The following DNAH1 variants were observed in gnomAD, a reference collection of about 807,000 sequenced individuals.
DNAH1 encodes axonemal beta dynein heavy chain 1.
Under a neutral mutation model 484.3 loss-of-function variants are expected in DNAH1, and 327 were observed. The ratio of observed to expected loss-of-function variants is 0.68; its 90% CI spans 0.62 to 0.74. The LOEUF is 0.74. Among genes scored for constraint, DNAH1 ranks in the 30% least tolerant of loss-of-function variants. The probability of loss-of-function intolerance (pLI) is 0.00; values close to 1 mark genes in which losing one functional copy is unlikely to be tolerated. For synonymous variants in DNAH1, 2,192 were observed against 2,191.9 expected (o/e 1.00, Z 0.00); for missense variants, 5,052 against 5,546.8 (o/e 0.91, Z 2.83).
At chr3:52,326,044 C>T in intron 3 of DNAH1, 96 bp from the exon 4 acceptor site, 5 of 1,270,314 alleles carry the variant, frequency 3.9e-6, no homozygotes, top group Non-Finnish European at 5.3e-6. Context: ...CACTCCAAAG[C>T]ATACTACCTG....
intron 8 of DNAH1, among the ~76,000 whole-genome samples, chr3:52,341,969 C>G (rs910664207): frequency 5.3e-5 from 8 of 152,300 alleles, no homozygotes; most frequent in African/African-American, 1.7e-4. Flanking sequence ...AATGAAAAAT[C>G]TGGGTTTTTA....
chr3:52,340,015 C>T (rs544566075), intron 8 of DNAH1, among the ~76,000 whole-genome samples: 2 of 152,256 alleles, frequency 1.3e-5, no homozygotes, highest in East Asian at 3.9e-4. Flanking sequence ...AATTGCATGC[C>T]CTTAAGTCCC....
chr3:52,394,401 G>A (rs1460354019), intron 66 of DNAH1, 64 bp from the exon 67 acceptor site: 7 of 1,524,842 alleles, frequency 4.6e-6, no homozygotes, highest in Non-Finnish European at 6.3e-6. Context: ...TACTGGGTGG[G>A]GGTGCCCAGA....
Position 52,397,047 on chromosome 3 carries a change from G to A in DNAH1, c.11787+3G>A. 6.3e-7 allele frequency: 1 copy of A among 1,598,688 alleles called. No individual in the cohort carries two copies. Among genetic ancestry groups the A allele is most frequent in the East Asian group, 2.3e-5 (1 of 43,850 alleles). On this transcript the variant is annotated splice_donor_region_variant and intron_variant, in intron 73 of 77. Transcript: ENST00000420323. ...TCCCGCCTACCTACGACCTCCACGTGAGTCCAGCCCAAAGGGCTGCACAGG... is the reference window on the plus strand; with the variant it reads ...TCCCGCCTACCTACGACCTCCACGTAAGTCCAGCCCAAAGGGCTGCACAGG...
chr3:52,385,579 C>T, intron 54 of DNAH1, 132 bp downstream of exon 54: 2 of 693,638 alleles, frequency 2.9e-6, no homozygotes, highest in South Asian at 3.5e-5. Flanking sequence ...CTTCCTCAAT[C>T]AGTAGCCATC....
intron 8 of DNAH1, among the ~76,000 whole-genome samples, chr3:52,334,614 C>A (rs1701670877): frequency 6.6e-6 from 1 of 152,000 alleles, no homozygotes; most frequent in Admixed American, 6.6e-5. Flanking sequence ...CATGGCAAAA[C>A]CCCATCTCTA....
intron 8 of DNAH1, among the ~76,000 whole-genome samples, chr3:52,341,098 T>C (rs1701922108): frequency 6.6e-6 from 1 of 152,192 alleles, no homozygotes; most frequent in Admixed American, 6.5e-5. Context: ...ATAATGTTTT[T>C]GGCTTTAAGT....
At chr3:52,342,407 A>T (rs924627543) in intron 8 of DNAH1, among the ~76,000 whole-genome samples, 1 of 152,212 alleles carries the variant, frequency 6.6e-6, no homozygotes, top group African/African-American at 2.4e-5. Flanking sequence ...AAGCAGGGAG[A>T]TCAATGAGGA....
intron 46 of DNAH1, among the ~76,000 whole-genome samples, chr3:52,376,985 G>C (rs1703632679): frequency 6.6e-6 from 1 of 151,926 alleles, no homozygotes; most frequent in Admixed American, 6.6e-5. Flanking sequence ...CCCATTCTCG[G>C]CTGGACTGGG....
chr3:52,349,861 G>A (rs1702298644), intron 14 of DNAH1, 128 bp from the exon 15 acceptor site: 6 of 1,357,530 alleles, frequency 4.4e-6, no homozygotes, highest in South Asian at 1.4e-5. Context: ...CTTGGAAAGC[G>A]CCGCAGGATG....
chr3:52,326,867 C>A lies in DNAH1; in HGVS notation c.714C>A (p.Ile238=). The part of the protein sequence containing the change: ...PQTIEQGHDP[I]FPIYLPLKVF... Reference sequence around the variant, plus strand: ...CCATCGAACAGGGCCATGACCCAATCTTCCCCATCTACCTCCCACTGAAGG... The same window carrying A: ...CCATCGAACAGGGCCATGACCCAATATTCCCCATCTACCTCCCACTGAAGG... The change falls in exon 5 of 78, where the codon ATC becomes ATA. Residue 238 remains isoleucine (I), a synonymous_variant. Coordinates refer to ENST00000420323, the MANE Select transcript of DNAH1 (RefSeq NM_015512.5). 2 of 1,613,180 alleles carry A rather than the reference C, an allele frequency of 1.2e-6. No homozygotes were observed. Among genetic ancestry groups the A allele is most frequent in the Non-Finnish European group, 1.7e-6 (2 of 1,179,552 alleles).
intron 60 of DNAH1, 86 bp downstream of exon 60, chr3:52,389,672 C>T: frequency 1.6e-6 from 2 of 1,255,912 alleles, no homozygotes; most frequent in African/African-American, 3.1e-5. Context: ...CCTTCCTACC[C>T]TGCTTTCCAG....
rs1418813421 is a variant in DNAH1, at chr3:52,396,503, A to G, written c.11395A>G (p.Ser3799Gly). The G allele has an allele frequency of 1.9e-6, 3 of 1,610,542 alleles. No homozygotes were observed. The highest frequency in any genetic ancestry group is 4.5e-5 in the East Asian group (2 of 44,692). The change falls in exon 71 of 78, where the codon AGC becomes GGC. Residue 3799 changes from serine to glycine, a missense_variant. By Grantham distance (56) the Ser-to-Gly change is moderately conservative (BLOSUM62 0). Around this residue, in one of 4 missense-constraint regions of DNAH1, gnomAD observed 853 missense variants for 899.0 expected, o/e 0.95. Transcript: ENST00000420323. Reference protein sequence around the residue: ...VRANLLKSYSSLGEDFLNSCH... With the variant: ...VRANLLKSYSGLGEDFLNSCH... ...GGCCAACCTGCTGAAGTCCTATAGT[A>G]GCCTTGGTGAAGACTTCCTCAACTC...
At position 52,381,706 on chromosome 3, in the gene DNAH1, GT is replaced by G. The variant is rs765417610; in HGVS notation, c.7676del (p.Val2559AlafsTer7). 4.8e-5 allele frequency: 77 copies of G among 1,607,036 alleles called. No individual in the cohort carries two copies. The highest frequency in any genetic ancestry group is 6.1e-5 in the Non-Finnish European group (72 of 1,177,320). ...NQINTAKLKL[V>X]LFMDAMSHIC... The stretch of plus-strand genomic sequence containing the variant: ...GATCAACACGGCCAAGCTGAAGCTG[GT>G]CCTCTTCATGGACGCCATGAGCCAC... On this transcript the variant is annotated frameshift_variant, in exon 49 of 78. Coordinates refer to ENST00000420323, the MANE Select transcript of DNAH1 (RefSeq NM_015512.5). LOFTEE classifies it high-confidence loss of function. The surrounding 1 kb of genome is among the most constrained non-coding windows in gnomAD (Gnocchi z 4.1).
Position 52,358,545 on chromosome 3 carries a change from C to T in DNAH1, c.4087-13C>T. ...CCAGGGTGACCCCACTCCTGCTCCT[C>T]CACTGCTTGCAGCTGCTATTCCAGG... is the stretch of plus-strand genomic sequence containing the variant. On this transcript the variant is annotated splice_polypyrimidine_tract_variant and intron_variant, in intron 24 of 77. Transcript: ENST00000420323. The surrounding 1 kb of genome is among the most constrained non-coding windows in gnomAD (Gnocchi z 4.2). The T allele has an allele frequency of 6.3e-7, 1 of 1,596,910 alleles. No homozygotes were observed. The highest frequency in any genetic ancestry group is 8.5e-7 in the Non-Finnish European group (1 of 1,172,106).
intron 16 of DNAH1, among the ~76,000 whole-genome samples, chr3:52,351,178 G>C (rs1374756729): frequency 6.6e-6 from 1 of 152,224 alleles, no homozygotes; most frequent in Non-Finnish European, 1.5e-5. Context: ...GTGGACCTAG[G>C]GTTTCCTGTT....
At position 52,381,515 on chromosome 3, in the gene DNAH1, C is replaced by G; in HGVS notation, c.7609-125C>G. 1.2e-6 allele frequency: 1 copy of G among 821,676 alleles called. No homozygotes were observed. The highest frequency in any genetic ancestry group is 1.9e-6 in the Non-Finnish European group (1 of 528,322). The allele number at this position is 821,676 out of a possible 1,614,324, so 50.9% of individuals were successfully genotyped here. On this transcript the variant is annotated intron_variant, in intron 48 of 77. Coordinates refer to ENST00000420323, the MANE Select transcript of DNAH1 (RefSeq NM_015512.5). This position sits in a 1 kb window ranked among gnomAD's most constrained non-coding sequence, Gnocchi z 4.1. The stretch of plus-strand genomic sequence containing the variant: ...AGGGGAAACATGCAGCTGGCCGGGT[C>G]ACAGGTGGTCAAGGCACCTGTGCTT...
chr3:52,354,883 T>G lies in DNAH1; in HGVS notation c.3521T>G (p.Phe1174Cys). 6.2e-7 allele frequency: 1 copy of G among 1,613,924 alleles called. No homozygotes were observed. The highest frequency in any genetic ancestry group is 1.7e-4 in the Middle Eastern group (1 of 6,056). ...GAGAAGGAGTGGTCGACCATCCTGTTCAATGTACTGCCCTACAAGGCGACA... is the reference window on the plus strand; with the variant it reads ...GAGAAGGAGTGGTCGACCATCCTGTGCAATGTACTGCCCTACAAGGCGACA... ...KMEKEWSTIL[F>C]NVLPYKATDT... is the part of the protein sequence containing the mutation. Residue 1174 changes from phenylalanine (F) to cysteine (C), a missense_variant, in exon 21 of 78, where the codon TTC (phenylalanine) becomes TGC (cysteine). Around this residue, in one of 4 missense-constraint regions of DNAH1, gnomAD observed 2,929 missense variants for 3,409.4 expected, o/e 0.86. Transcript: ENST00000420323.
chr3:52,396,468 G>C lies in DNAH1; in HGVS notation c.11360G>C (p.Arg3787Pro). Reference protein sequence around the residue: ...NGSKMTIEPPRGVRANLLKSY... With the variant: ...NGSKMTIEPPPGVRANLLKSY... Reference sequence around the variant, plus strand: ...TCCAAGATGACCATTGAGCCGCCACGCGGTGTCAGGGCCAACCTGCTGAAG... The same window carrying C: ...TCCAAGATGACCATTGAGCCGCCACCCGGTGTCAGGGCCAACCTGCTGAAG... Residue 3787 changes from arginine to proline, a missense_variant, in exon 71 of 78, where the codon CGC becomes CCC. This residue lies in a region of DNAH1 where 853 missense variants were observed against 899.0 expected (regional missense o/e 0.95). Coordinates refer to ENST00000420323, the MANE Select transcript of DNAH1 (RefSeq NM_015512.5). 2 of 1,602,600 alleles carry C rather than the reference G, an allele frequency of 1.2e-6. No homozygotes were observed. Among genetic ancestry groups the C allele is most frequent in the Non-Finnish European group, 1.7e-6 (2 of 1,174,804 alleles).
Sources: allele counts gnomAD v4.1 joint callset (sites outside exome capture counted in the v4.1 genomes callset), GRCh38; gene constraint gnomAD v4.1.1; regional missense constraint gnomAD v4.1.1; non-coding constraint Gnocchi (gnomAD v3.1); transcripts MANE v1.5; gene names NCBI Gene and HGNC (gene_info 2026-07-23, HGNC 2026-07-21).